Variants in XPO7 observed in about 807,000 individuals in gnomAD.
XPO7 encodes exportin-7.
XPO7 carries 21 observed loss-of-function variants against 144.3 expected under a neutral mutation model. The observed-to-expected ratio is 0.15, with a 90% CI of 0.10 to 0.21. The LOEUF is 0.21. Among genes scored for constraint, XPO7 ranks in the 10% least tolerant of loss-of-function variants. The pLI is 1.00. For missense variants in XPO7, 808 were observed against 1,325.8 expected, an observed-to-expected ratio of 0.61 and a Z score of 6.06; for synonymous variants, 580 against 499.6, an observed-to-expected ratio of 1.16 and a Z score of -2.15.
chr8:21,994,263 G>A (rs911967556), intron 19 of XPO7, 100 bp from the exon 20 acceptor site: 2 of 813,654 alleles, frequency 2.5e-6, no homozygotes, highest in African/African-American at 3.4e-5. Flanking sequence ...ATGTTGAACT[G>A]TGAGAGAAAG....
intron 12 of XPO7, among the ~76,000 whole-genome samples, chr8:21,985,280 G>T (rs1812542916): frequency 6.6e-6 from 1 of 152,218 alleles, no homozygotes; most frequent in East Asian, 1.9e-4. Flanking sequence ...AGTAACCTGG[G>T]CTTCCTCTTT....
At chr8:21,935,161 G>C (rs1406229969) in intron 1 of XPO7, among the ~76,000 whole-genome samples, 1 of 152,182 alleles carries the variant, frequency 6.6e-6, no homozygotes, top group African/African-American at 2.4e-5. Context: ...GTTCTATTAG[G>C]TTTGGGCCCT....
chr8:21,990,751 G>C lies in XPO7; in HGVS notation c.1933-60G>C, dbSNP rs982648532. On this transcript the variant is annotated intron_variant, in intron 17 of 27. Transcript: ENST00000252512. ...GGGCTCAGTAATTCTCTGATTACTGGCTTGCATTCTGCCTCTAACTCATGT... is the reference window on the plus strand; with the variant it reads ...GGGCTCAGTAATTCTCTGATTACTGCCTTGCATTCTGCCTCTAACTCATGT... The C allele has an allele frequency of 1.7e-5, 25 of 1,503,664 alleles. No individual in the cohort carries two copies. In the African/African-American group the frequency reaches 3.2e-4, roughly 19 times the overall value. The allele number at this position is 1,503,664 out of a possible 1,614,324, so 93.1% of individuals were successfully genotyped here.
Position 21,966,991 on chromosome 8 carries a change from C to G in XPO7, c.153C>G (p.Leu51=), listed in dbSNP as rs370251493. Residue 51 remains leucine, a synonymous_variant, in exon 2 of 28, where the codon CTC becomes CTG. Transcript: ENST00000252512. ...GCCTGAGCAAGTGCCAGCTACTCCT[C>G]GAAAGAGGAAGTGTGCGTAAGATCT... ...PDCLSKCQLL[L]ERGSSSYSQL... 1.2e-6 allele frequency: 2 copies of G among 1,613,264 alleles called. No homozygotes were observed. The highest frequency in any genetic ancestry group is 1.7e-5 in the Admixed American group (1 of 59,916).
At chr8:21,940,561 C>T (rs191556935) in intron 1 of XPO7, among the ~76,000 whole-genome samples, 1 of 150,766 alleles carries the variant, frequency 6.6e-6, no homozygotes, top group African/African-American at 2.4e-5. Flanking sequence ...CCTCCATCTC[C>T]TGTGTTCAAG....
chr8:21,938,924 C>G (rs1406116436), intron 1 of XPO7, among the ~76,000 whole-genome samples: 6 of 152,108 alleles, frequency 3.9e-5, no homozygotes, highest in Non-Finnish European at 7.4e-5. Flanking sequence ...TCTTATTATA[C>G]TTTTAAATGT....
intron 1 of XPO7, among the ~76,000 whole-genome samples, chr8:21,936,124 T>C (rs1810814411): frequency 6.6e-6 from 1 of 152,208 alleles, no homozygotes; most frequent in South Asian, 2.1e-4. Context: ...AGTCTTTTAA[T>C]GTCTGCTAAC....
At chr8:21,946,640 ATTTTTTT>A (rs61593432) in intron 1 of XPO7, among the ~76,000 whole-genome samples, 4 of 122,670 alleles carry the variant, frequency 3.3e-5, no homozygotes, top group East Asian at 2.3e-4. Flanking sequence ...GCAAAACAGG[ATTTTTTT>A]TTTTTTTTTT....
chr8:21,956,213 C>G (rs1811530805), intron 1 of XPO7, among the ~76,000 whole-genome samples: 3 of 152,170 alleles, frequency 2.0e-5, no homozygotes, highest in Admixed American at 6.5e-5. Flanking sequence ...AGCTCTTTCT[C>G]TAGAGGATTT....
At chr8:21,956,838 A>AT (rs1811551949) in intron 1 of XPO7, among the ~76,000 whole-genome samples, 1 of 148,958 alleles carries the variant, frequency 6.7e-6, no homozygotes, top group Admixed American at 6.7e-5. Flanking sequence ...CCTTCTCCCT[A>AT]TATAGTTTTT....
chr8:21,945,382 A>G (rs1811158899), intron 1 of XPO7, among the ~76,000 whole-genome samples: 1 of 152,268 alleles, frequency 6.6e-6, no homozygotes, highest in Non-Finnish European at 1.5e-5. Context: ...GATAAGAGCT[A>G]GAAAGATGTC....
At chr8:22,000,154 G>T (rs1813090832) in intron 24 of XPO7, among the ~76,000 whole-genome samples, 1 of 152,164 alleles carries the variant, frequency 6.6e-6, no homozygotes, top group African/African-American at 2.4e-5. Context: ...GCCAGGGAGG[G>T]TTCCTAGCAG....
At chr8:21,989,172 T>C in intron 16 of XPO7, 89 bp downstream of exon 16, 5 of 1,244,844 alleles carry the variant, frequency 4.0e-6, no homozygotes, top group Non-Finnish European at 5.7e-6. Flanking sequence ...TCCACTTCAG[T>C]TTAGCTGTAG....
chr8:21,974,901 TTA>T, intron 6 of XPO7, 127 bp downstream of exon 6: 1 of 758,774 alleles, frequency 1.3e-6, no homozygotes, highest in Non-Finnish European at 2.1e-6. Flanking sequence ...TCATCATCTC[TTA>T]TATAAGACTC....
intron 1 of XPO7, among the ~76,000 whole-genome samples, chr8:21,932,147 C>T (rs968305263): frequency 1.1e-4 from 16 of 152,180 alleles, no homozygotes; most frequent in African/African-American, 3.1e-4. Flanking sequence ...AGATTGCAGG[C>T]GTGAGCCACC....
At chr8:21,986,901 T>C (rs1812597127) in intron 13 of XPO7, among the ~76,000 whole-genome samples, 1 of 152,208 alleles carries the variant, frequency 6.6e-6, no homozygotes, top group African/African-American at 2.4e-5. Flanking sequence ...TCACAGGTAA[T>C]ATTTCTGCTA....
At chr8:21,936,999 T>C (rs1041664774) in intron 1 of XPO7, among the ~76,000 whole-genome samples, 7 of 152,208 alleles carry the variant, frequency 4.6e-5, no homozygotes, top group Non-Finnish European at 4.4e-5. Flanking sequence ...AAAAACTCAC[T>C]CTGCCATCAA....
chr8:21,996,503 A>G (rs761975912), intron 21 of XPO7, among the ~76,000 whole-genome samples: 3 of 152,336 alleles, frequency 2.0e-5, no homozygotes, highest in East Asian at 1.9e-4. Flanking sequence ...GCCCACAGAT[A>G]AGAAATTAAC....
rs1812170841 is a variant in XPO7 at position 21,974,661 on chromosome 8, T to A, written c.493-9T>A. The A allele has an allele frequency of 5.2e-6, 8 of 1,553,022 alleles. No homozygotes were observed. The East Asian group carries it at 1.6e-4, about 31-fold the overall frequency. ...ATTCTTTGCATTGGTTTCTTCTTTT[T>A]CTGCACAGGCAGACACCACCCATCC... On this transcript the variant is annotated splice_polypyrimidine_tract_variant and intron_variant, in intron 5 of 27. Coordinates refer to ENST00000252512, the MANE Select transcript of XPO7 (RefSeq NM_015024.5).
Sources: allele counts gnomAD v4.1 joint callset (sites outside exome capture counted in the v4.1 genomes callset), GRCh38; gene constraint gnomAD v4.1.1; transcripts MANE v1.5; gene names NCBI Gene and HGNC (gene_info 2026-07-23, HGNC 2026-07-21).